Variants in CCM2L observed in about 807,000 individuals in gnomAD.
CCM2L encodes the protein CCM2 like scaffold protein, also known as cerebral cavernous malformations 2 protein-like.
In CCM2L, 36 loss-of-function variants were observed where a neutral mutation model predicts 54.1. The observed-to-expected ratio is 0.67, with a 90% CI of 0.51 to 0.88. The LOEUF is 0.88. Among genes scored for constraint, CCM2L ranks in the 40% least tolerant of loss-of-function variants. The pLI, the probability that CCM2L is intolerant of heterozygous loss-of-function variation, is 0.00. For synonymous variants in CCM2L, 351 were observed against 359.3 expected, an observed-to-expected ratio of 0.98 and a Z score of 0.26; for missense variants, 700 against 812.1, an observed-to-expected ratio of 0.86 and a Z score of 1.68.
intron 5 of CCM2L, among the ~76,000 whole-genome samples, chr20:32,020,307 C>T (rs1046531747): frequency 2.6e-5 from 4 of 152,204 alleles, no homozygotes; most frequent in Non-Finnish European, 4.4e-5. Context: ...ACAGCTGTCT[C>T]TCTCCCCTTG....
In CCM2L at chr20:32,031,060, G is replaced by A. The variant is rs539753399; in HGVS notation, c.1462G>A (p.Val488Met). 181 of 1,304,124 alleles carry A rather than the reference G, an allele frequency of 1.4e-4. No individual in the cohort carries two copies. Among genetic ancestry groups the A allele is most frequent in the Non-Finnish European group, 1.7e-4 (169 of 988,954 alleles). 80.8% of individuals were successfully genotyped at this position (1,304,124 alleles called of 1,614,324 possible). A position where few individuals can be genotyped will look rare whatever the true frequency, so the allele number is the denominator to read the frequency against. Reference sequence around the variant, plus strand: ...CTACTTCGAGGGCTTCCTGGAGGGCGTGGGCATCCGCGAGGGCGGCATCCT... The same window carrying A: ...CTACTTCGAGGGCTTCCTGGAGGGCATGGGCATCCGCGAGGGCGGCATCCT... ...IGYFEGFLEG[V>M]GIREGGILTD... Residue 488 changes from valine to methionine, a missense_variant, in exon 10 of 10, where the codon GTG becomes ATG. Coordinates refer to ENST00000452892, the MANE Select transcript of CCM2L (RefSeq NM_001365692.1).
rs1268076456 is a variant in CCM2L at position 32,019,205 on chromosome 20, C to G, written c.729C>G (p.Phe243Leu). ...GCAGCTGGGAGCGACGGCAGACGTT[C>G]AGCGGCAGCTGGGAGCGGCGGCACG... Reference protein sequence around the residue: ...ASGSWERRQTFSGSWERRHGG... With the variant: ...ASGSWERRQTLSGSWERRHGG... The change falls in exon 5 of 10, where the codon TTC (phenylalanine) becomes TTG (leucine). Residue 243 changes from phenylalanine to leucine, a missense_variant. Coordinates refer to ENST00000452892, the MANE Select transcript of CCM2L (RefSeq NM_001365692.1). 3.5e-6 allele frequency: 4 copies of G among 1,144,602 alleles called. No individual in the cohort carries two copies. Among genetic ancestry groups the G allele is most frequent in the Non-Finnish European group, 4.3e-6 (4 of 919,580 alleles). 70.9% of individuals were successfully genotyped at this position (1,144,602 alleles called of 1,614,324 possible).
chr20:32,031,323 C>A lies in CCM2L; in HGVS notation c.*9C>A. 1.6e-6 allele frequency: 2 copies of A among 1,261,566 alleles called. No homozygotes were observed. The highest frequency in any genetic ancestry group is 2.1e-6 in the Non-Finnish European group (2 of 975,226). 78.1% of individuals were successfully genotyped at this position (1,261,566 alleles called of 1,614,324 possible). The stretch of plus-strand genomic sequence containing the variant: ...AAGACAACTACCTGTAGCCACCGCC[C>A]CTGCGGACGGCGTGGCTCAGCAGCC... On this transcript the variant is annotated 3_prime_UTR_variant, in exon 10 of 10. Coordinates refer to ENST00000452892, the MANE Select transcript of CCM2L (RefSeq NM_001365692.1).
intron 5 of CCM2L, among the ~76,000 whole-genome samples, chr20:32,022,249 A>G (rs1454552925): frequency 6.6e-6 from 1 of 152,200 alleles, no homozygotes; most frequent in Non-Finnish European, 1.5e-5. Flanking sequence ...AACTATATTG[A>G]GCCTAAAATT....
intron 5 of CCM2L, 44 bp downstream of exon 5, chr20:32,019,453 CG>C: frequency 7.2e-7 from 1 of 1,381,158 alleles, no homozygotes; most frequent in Non-Finnish European, 9.5e-7. Flanking sequence ...GCTTCGGGAA[CG>C]CTGCTTCCCC....
intron 1 of CCM2L, 76 bp downstream of exon 1, chr20:32,010,560 T>TGGGGGGCCATTGGGGGGGGGGGG: frequency 9.5e-6 from 1 of 105,750 alleles, no homozygotes; most frequent in Middle Eastern, 2.4e-3. Flanking sequence ...TGGGGCGGGG[T>TGGGGGGCCATTGGGGGGGGGGGG]GGGGGGTCGG....
chr20:32,015,094 TG>T, intron 2 of CCM2L, 23 bp downstream of exon 2: 2 of 1,463,128 alleles, frequency 1.4e-6, no homozygotes, highest in South Asian at 2.9e-5. Flanking sequence ...TGAGAAGGGG[TG>T]GGAAAACCTT....
intron 7 of CCM2L, 130 bp downstream of exon 7, chr20:32,026,049 G>A: frequency 1.7e-6 from 1 of 591,378 alleles, no homozygotes; most frequent in Non-Finnish European, 2.7e-6. Flanking sequence ...AGAGGGGGAG[G>A]TAAACTGAGC....
Position 32,018,066 on chromosome 20 carries a change from G to A in CCM2L, c.370G>A (p.Asp124Asn), listed in dbSNP as rs2064755756. 6 of 1,613,576 alleles carry A rather than the reference G, an allele frequency of 3.7e-6. No homozygotes were observed. Among genetic ancestry groups the A allele is most frequent in the Non-Finnish European group, 5.1e-6 (6 of 1,179,976 alleles). ...CCGCTGCCTGCTGCTCACCTGGCGC[G>A]ACAATGAAGAGCTCATTCTGCGAAT... ...SARCLLLTWR[D>N]NEELILRIPT... is the part of the protein sequence containing the mutation. Residue 124 changes from aspartate to asparagine, a missense_variant, in exon 4 of 10, where the codon GAC becomes AAC. Coordinates refer to ENST00000452892, the MANE Select transcript of CCM2L (RefSeq NM_001365692.1).
chr20:32,025,663 G>A (rs952100382), intron 6 of CCM2L, among the ~76,000 whole-genome samples, 193 bp from the exon 7 acceptor site: 4 of 152,154 alleles, frequency 2.6e-5, no homozygotes, highest in African/African-American at 9.7e-5. Context: ...AGGTAGGTGG[G>A]GGGTGGTATT....
Position 32,022,604 on chromosome 20 carries a change from G to A in CCM2L, c.934-56G>A. The A allele has an allele frequency of 1.9e-6, 3 of 1,599,082 alleles. No homozygotes were observed. In the South Asian group the frequency reaches 3.4e-5, roughly 18 times the overall value. ...TTCACACACTGTTTTAGGAAGCAGG[G>A]TAACATCTTGGTCATTGGTGAGGAC... is the stretch of plus-strand genomic sequence containing the variant. On this transcript the variant is annotated intron_variant, in intron 5 of 9. Coordinates refer to ENST00000452892, the MANE Select transcript of CCM2L (RefSeq NM_001365692.1).
intron 6 of CCM2L, among the ~76,000 whole-genome samples, chr20:32,023,982 C>T (rs1332635579): frequency 6.6e-6 from 1 of 152,194 alleles, no homozygotes. Context: ...ATCTGCCTGC[C>T]TCAGCCTCCC....
intron 7 of CCM2L, 117 bp from the exon 8 acceptor site, chr20:32,028,878 G>GT: frequency 7.5e-7 from 1 of 1,326,734 alleles, no homozygotes; most frequent in Non-Finnish European, 1.0e-6. Context: ...AGGGGCCAGG[G>GT]TATGCGAGGC....
At chr20:32,025,993 G>A in intron 7 of CCM2L, 74 bp downstream of exon 7, 1 of 1,178,326 alleles carries the variant, frequency 8.5e-7, no homozygotes, top group Non-Finnish European at 1.1e-6. Context: ...AGAGAGGGTA[G>A]GAGAAGGTGA....
chr20:32,018,904 C>A lies in CCM2L; in HGVS notation c.467-39C>A, dbSNP rs1195590237. 8.7e-6 allele frequency: 11 copies of A among 1,271,266 alleles called. No homozygotes were observed. In the African/African-American group the frequency reaches 1.4e-4, roughly 16 times the overall value. The allele number at this position is 1,271,266 out of a possible 1,614,324, so 78.7% of individuals were successfully genotyped here. ...CGGCGGGGCGGGGGGGTCTCTGAGTCCCGATCCCCGCGGCTGACGGTCCCC... is the reference window on the plus strand; with the variant it reads ...CGGCGGGGCGGGGGGGTCTCTGAGTACCGATCCCCGCGGCTGACGGTCCCC... On this transcript the variant is annotated intron_variant, in intron 4 of 9. Transcript: ENST00000452892.
intron 6 of CCM2L, among the ~76,000 whole-genome samples, chr20:32,023,249 C>T (rs1244708255): frequency 4.6e-5 from 7 of 152,152 alleles, no homozygotes; most frequent in East Asian, 1.9e-4. Flanking sequence ...GGATTACAGG[C>T]GTGAGCCACT....
At position 32,017,950 on chromosome 20, in the gene CCM2L, G is replaced by A. The variant is rs375634638; in HGVS notation, c.283-29G>A. The A allele has an allele frequency of 1.6e-4, 256 of 1,613,094 alleles. No individual in the cohort carries two copies. The African/African-American group carries it at 3.0e-3, about 19-fold the overall frequency. On this transcript the variant is annotated intron_variant, in intron 3 of 9. Coordinates refer to ENST00000452892, the MANE Select transcript of CCM2L (RefSeq NM_001365692.1). ...TCTCCCTCTTCTACCTGCGGACCTC[G>A]GGAACTCGAGATCTGCCCCTCCCTG...
intron 5 of CCM2L, among the ~76,000 whole-genome samples, chr20:32,021,660 C>A (rs8115026): frequency 0.048 from 7,266 of 151,984 alleles, 264 homozygotes; most frequent in Non-Finnish European, 0.068. Flanking sequence ...AAAAAAGTTG[C>A]TTTCCAGGGT....
intron 7 of CCM2L, among the ~76,000 whole-genome samples, chr20:32,027,576 G>T (rs1393008222): frequency 2.6e-5 from 4 of 152,180 alleles, no homozygotes; most frequent in African/African-American, 9.7e-5. Flanking sequence ...TTGAGAAATA[G>T]AGAAATTAAG....
Sources: allele counts gnomAD v4.1 joint callset (sites outside exome capture counted in the v4.1 genomes callset), GRCh38; gene constraint gnomAD v4.1.1; transcripts MANE v1.5; gene names NCBI Gene and HGNC (gene_info 2026-07-23, HGNC 2026-07-21).